The following PDE7B variants were observed in gnomAD, a reference collection of about 807,000 sequenced individuals.
PDE7B encodes the protein phosphodiesterase 7B, also known as 3',5'-cyclic-AMP phosphodiesterase 7B.
A neutral mutation model predicts 56.2 loss-of-function variants in PDE7B; 29 were observed. The ratio of observed to expected loss-of-function variants is 0.52; its 90% CI spans 0.38 to 0.70. The LOEUF (loss-of-function observed/expected upper bound fraction) is 0.70. PDE7B is among the 30% of genes least tolerant of loss of function. The pLI is 0.00. For synonymous variants in PDE7B, 197 were observed against 196.9 expected (o/e 1.00, Z 0.00); for missense variants, 490 against 565.0 (o/e 0.87, Z 1.35).
chr6:135,966,563 G>A (rs143844384), intron 2 of PDE7B, among the ~76,000 whole-genome samples: 286 of 152,130 alleles, frequency 1.9e-3, no homozygotes, highest in African/African-American at 6.7e-3. Flanking sequence ...AATGAGTAGC[G>A]CTCCCTAGGG....
intron 2 of PDE7B, among the ~76,000 whole-genome samples, chr6:135,995,973 T>C (rs957574546): frequency 1.3e-5 from 2 of 152,156 alleles, no homozygotes; most frequent in East Asian, 3.9e-4. Flanking sequence ...GATACACACA[T>C]GCACACACAC....
chr6:136,022,591 C>A (rs1328652747), intron 2 of PDE7B, among the ~76,000 whole-genome samples: 2 of 152,152 alleles, frequency 1.3e-5, no homozygotes, highest in Non-Finnish European at 2.9e-5. Flanking sequence ...CAGTTCCATC[C>A]TTTGAGCTCT....
chr6:135,936,762 A>T (rs1410622899), intron 1 of PDE7B, among the ~76,000 whole-genome samples: 1 of 152,220 alleles, frequency 6.6e-6, no homozygotes, highest in Non-Finnish European at 1.5e-5. Context: ...TCCACCTTCC[A>T]GGATCCAGAG....
At chr6:135,938,773 T>C (rs1173202872) in intron 1 of PDE7B, among the ~76,000 whole-genome samples, 2 of 152,166 alleles carry the variant, frequency 1.3e-5, no homozygotes, top group East Asian at 3.8e-4. Context: ...CCTGCAGGGA[T>C]ACGAGGAGAT....
intron 8 of PDE7B, among the ~76,000 whole-genome samples, chr6:136,157,581 GAAAAAGCAAA>G (rs1778630012): frequency 6.6e-6 from 1 of 152,048 alleles, no homozygotes; most frequent in African/African-American, 2.4e-5. Flanking sequence ...CCGTCTCAAA[GAAAAAGCAAA>G]GGAAAGAAAA....
At chr6:136,139,822 T>C (rs1314256101) in intron 3 of PDE7B, among the ~76,000 whole-genome samples, 3 of 152,282 alleles carry the variant, frequency 2.0e-5, no homozygotes, top group Non-Finnish European at 2.9e-5. Context: ...GGGTTGTTTG[T>C]TTTTTTCTTG....
chr6:136,015,465 A>G (rs1348689161), intron 2 of PDE7B, among the ~76,000 whole-genome samples: 1 of 152,238 alleles, frequency 6.6e-6, no homozygotes, highest in Non-Finnish European at 1.5e-5. Context: ...ATTTGCTACA[A>G]CTAATTTGCA....
rs555288408 is a variant in PDE7B, at chr6:136,171,653, A to ATTT, written c.712-2143_712-2142insTTT. On this transcript the variant is annotated intron_variant, in intron 8 of 12. Transcript: ENST00000308191. The stretch of plus-strand genomic sequence containing the variant: ...GCTTCACTTTTTTTTTATTATTATT[A>ATTT]TACTTTAAGTTTTAGGGTACATGTG... Among the ~76,000 whole-genome samples, 159 of 151,942 alleles carry ATTT rather than the reference A, an allele frequency of 1.0e-3. 1 individual carries two copies. Among genetic ancestry groups the ATTT allele is most frequent in the African/African-American group, 3.7e-3 (152 of 41,404 alleles).
intron 2 of PDE7B, chr6:136,037,563 C>T (rs1776343630): frequency 1.0e-6 from 1 of 985,456 alleles, no homozygotes; most frequent in South Asian, 4.7e-5. Context: ...CCATCAGGCC[C>T]TCCAGAGAGA....
At chr6:136,010,630 T>C (rs1459561511) in intron 2 of PDE7B, among the ~76,000 whole-genome samples, 1 of 152,010 alleles carries the variant, frequency 6.6e-6, no homozygotes, top group Non-Finnish European at 1.5e-5. Context: ...TTTTTGCTTG[T>C]TTTTTTCTTT....
chr6:135,863,073 ATATAGTCAGCT>A (rs1321968902), intron 1 of PDE7B, among the ~76,000 whole-genome samples: 1 of 151,996 alleles, frequency 6.6e-6, no homozygotes, highest in Non-Finnish European at 1.5e-5. Context: ...ATAACCGAAT[ATATAGTCAGCT>A]TTTCTAAACG....
intron 1 of PDE7B, among the ~76,000 whole-genome samples, chr6:135,895,506 C>T (rs943380885): frequency 2.0e-5 from 3 of 152,092 alleles, no homozygotes; most frequent in Non-Finnish European, 2.9e-5. Context: ...TAAACTAGTA[C>T]GCTCCTTCTC....
intron 2 of PDE7B, among the ~76,000 whole-genome samples, chr6:135,983,109 G>T (rs936156389): frequency 1.3e-5 from 2 of 152,200 alleles, no homozygotes; most frequent in African/African-American, 4.8e-5. Context: ...TATGGCTAAA[G>T]AAATGAATCT....
chr6:135,991,450 A>G (rs775083840), intron 2 of PDE7B, among the ~76,000 whole-genome samples: 1 of 152,176 alleles, frequency 6.6e-6, no homozygotes, highest in Non-Finnish European at 1.5e-5. Flanking sequence ...TAAAAAAAGA[A>G]AGAAAAAGAT....
intron 2 of PDE7B, among the ~76,000 whole-genome samples, chr6:136,046,838 C>T (rs772225077): frequency 2.6e-5 from 4 of 152,096 alleles, no homozygotes; most frequent in African/African-American, 7.2e-5. Flanking sequence ...AGATTATTGT[C>T]CTTCTGCAAA....
intron 1 of PDE7B, among the ~76,000 whole-genome samples, chr6:135,936,805 C>T (rs1774429732): frequency 6.6e-6 from 1 of 152,220 alleles, no homozygotes; most frequent in South Asian, 2.1e-4. Flanking sequence ...TCAGTGCATT[C>T]TCAACGCTCA....
At chr6:135,957,258 C>T (rs1422327800) in intron 2 of PDE7B, among the ~76,000 whole-genome samples, 1 of 151,932 alleles carries the variant, frequency 6.6e-6, no homozygotes, top group East Asian at 1.9e-4. Context: ...CAGGTGAATG[C>T]AAGCATACAG....
At chr6:136,016,036 A>G (rs1479031093) in intron 2 of PDE7B, among the ~76,000 whole-genome samples, 2 of 152,222 alleles carry the variant, frequency 1.3e-5, no homozygotes, top group Non-Finnish European at 2.9e-5. Context: ...ATGATTTACT[A>G]AACAAGGAAT....
chr6:136,147,326 T>G (rs1262550737), intron 3 of PDE7B, 25 bp from the exon 4 acceptor site: 1 of 1,561,498 alleles, frequency 6.4e-7, no homozygotes, highest in South Asian at 1.2e-5. Flanking sequence ...ATATATAAAT[T>G]TCTTGACTTG....
Sources: allele counts gnomAD v4.1 joint callset (sites outside exome capture counted in the v4.1 genomes callset), GRCh38; gene constraint gnomAD v4.1.1; transcripts MANE v1.5; gene names NCBI Gene and HGNC (gene_info 2026-07-23, HGNC 2026-07-21).